Variants in ANO1 observed in about 807,000 individuals in gnomAD.
ANO1 encodes anoctamin-1.
Under a neutral mutation model 124.0 loss-of-function variants are expected in ANO1, and 59 were observed. That is an observed-to-expected ratio of 0.48 (90% CI 0.39 to 0.59). ANO1 has a LOEUF of 0.59. Among genes scored for constraint, ANO1 ranks in the 20% least tolerant of loss-of-function variants. The pLI is 0.00. For synonymous variants in ANO1, 529 were observed against 532.0 expected (o/e 0.99, Z 0.08); for missense variants, 1,059 against 1,328.0 (o/e 0.80, Z 3.15).
intron 1 of ANO1, among the ~76,000 whole-genome samples, chr11:70,085,915 A>G (rs1219355827): frequency 6.6e-6 from 1 of 152,238 alleles, no homozygotes; most frequent in Non-Finnish European, 1.5e-5. Context: ...ATTTAGAGCC[A>G]TGGTGCAGCC....
rs374844452 is a variant in ANO1 at position 69,990,140 on chromosome 11, C to T, written c.58+3974C>T. On this transcript the variant is annotated intron_variant, in intron 1 of 27. Coordinates refer to the ANO1 transcript ENST00000531349. ...CTGTATCCATTAAACAGTCACTTCC[C>T]ATTCCCCACCCCGCCCTGCCTCTCC... Among the ~76,000 whole-genome samples, 1,059 of 152,286 alleles carry T rather than the reference C, an allele frequency of 7.0e-3. 11 individuals are homozygous for T. The highest frequency in any genetic ancestry group is 0.025 in the African/African-American group (1,026 of 41,546).
intron 1 of ANO1, among the ~76,000 whole-genome samples, chr11:70,046,559 C>A (rs1555005671): frequency 6.6e-6 from 1 of 152,130 alleles, no homozygotes; most frequent in Non-Finnish European, 1.5e-5. Flanking sequence ...ATTCATGAGA[C>A]TACCCGGCCA....
At chr11:70,023,019 T>C (rs1019672397) in intron 1 of ANO1, among the ~76,000 whole-genome samples, 1 of 152,168 alleles carries the variant, frequency 6.6e-6, no homozygotes, top group African/African-American at 2.4e-5. Context: ...GCAGGTGGCC[T>C]CTAGAAGCTG....
intron 18 of ANO1, among the ~76,000 whole-genome samples, chr11:70,162,439 G>A (rs559335326): frequency 6.6e-6 from 1 of 152,266 alleles, no homozygotes; most frequent in African/African-American, 2.4e-5. Context: ...ACGTAGGGAG[G>A]AGTCCACAAA....
At chr11:70,067,817 G>A (rs932065699) in intron 1 of ANO1, among the ~76,000 whole-genome samples, 3 of 152,174 alleles carry the variant, frequency 2.0e-5, no homozygotes, top group South Asian at 2.1e-4. Context: ...ACCAGTGACC[G>A]TTTAGGATTC....
intron 8 of ANO1, among the ~76,000 whole-genome samples, chr11:70,121,164 C>T (rs912658883): frequency 6.9e-6 from 1 of 145,086 alleles, no homozygotes; most frequent in Non-Finnish European, 1.6e-5. Flanking sequence ...CTGTCCCTGT[C>T]TCGCTCCCTC....
upstream of ANO1, among the ~76,000 whole-genome samples, chr11:70,076,363 G>T (rs1044606459): frequency 1.3e-5 from 2 of 152,068 alleles, no homozygotes; most frequent in Non-Finnish European, 2.9e-5. Context: ...GCCCTCTCAG[G>T]CCAGAAATGT....
rs114912013 is a variant in ANO1 at position 70,084,834 on chromosome 11, A to G, written c.109-2918A>G. On this transcript the variant is annotated intron_variant, in intron 1 of 25. Transcript: ENST00000355303. ...CTGCACTCTCCCCATGCCCCTCAGC[A>G]CCAGAGACAGAGCCCTGCACTGGGG... is the stretch of plus-strand genomic sequence containing the variant. Among the ~76,000 whole-genome samples the G allele has an allele frequency of 2.4e-3, 364 of 152,228 alleles. 1 individual carries two copies. The highest frequency in any genetic ancestry group is 8.5e-3 in the African/African-American group (355 of 41,528).
intron 11 of ANO1, among the ~76,000 whole-genome samples, chr11:70,145,217 G>A (rs1336838968): frequency 6.6e-6 from 1 of 152,164 alleles, no homozygotes; most frequent in Non-Finnish European, 1.5e-5. Context: ...CTGGCCACCA[G>A]GCGCAGCACG....
At position 70,078,470 on chromosome 11, in the gene ANO1, C is replaced by A; in HGVS notation, c.-137C>A. The A allele has an allele frequency of 4.4e-6, 1 of 226,556 alleles. No individual in the cohort carries two copies. The highest frequency in any genetic ancestry group is 1.6e-4 in the South Asian group (1 of 6,420). 14.0% of individuals were successfully genotyped at this position (226,556 alleles called of 1,614,324 possible). A position where few individuals can be genotyped will look rare whatever the true frequency, so the allele number is the denominator to read the frequency against. On this transcript the variant is annotated 5_prime_UTR_variant, in exon 1 of 26. Coordinates refer to ENST00000355303, the MANE Select transcript of ANO1 (RefSeq NM_018043.7). Reference sequence around the variant, plus strand: ...GGCGGAGCGGGAGGCGGCCACGTCCCCGGCGGGCCTGGGCGCGGGGAGGCC... The same window carrying A: ...GGCGGAGCGGGAGGCGGCCACGTCCACGGCGGGCCTGGGCGCGGGGAGGCC...
chr11:69,972,658 G>C, the ANO1 span, among the ~76,000 whole-genome samples: 1 of 152,046 alleles, frequency 6.6e-6, no homozygotes, highest in Non-Finnish European at 1.5e-5. Flanking sequence ...ATCAACATTT[G>C]CCTGGAGACG....
chr11:70,138,269 C>T (rs2047020632), intron 11 of ANO1, among the ~76,000 whole-genome samples: 2 of 130,582 alleles, frequency 1.5e-5, no homozygotes, highest in African/African-American at 2.5e-5. Context: ...CACTTGAACC[C>T]GGGAGGCAGA....
At chr11:70,090,200 G>C (rs1181985467) in intron 2 of ANO1, among the ~76,000 whole-genome samples, 1 of 152,078 alleles carries the variant, frequency 6.6e-6, no homozygotes, top group Non-Finnish European at 1.5e-5. Context: ...GTAGAGACAG[G>C]GTTTCACTGT....
chr11:70,004,785 C>A (rs1339238255), intron 1 of ANO1, among the ~76,000 whole-genome samples: 1 of 152,158 alleles, frequency 6.6e-6, no homozygotes, highest in Non-Finnish European at 1.5e-5. Flanking sequence ...TACACTAGCG[C>A]ACCTTTGAAC....
At chr11:70,093,055 C>T (rs573090515) in intron 2 of ANO1, among the ~76,000 whole-genome samples, 3 of 151,446 alleles carry the variant, frequency 2.0e-5, no homozygotes, top group African/African-American at 7.3e-5. Context: ...ACCTCTTATT[C>T]ACCTCTACCT....
chr11:70,171,394 G>A (rs2048468966), intron 22 of ANO1, among the ~76,000 whole-genome samples: 1 of 152,076 alleles, frequency 6.6e-6, no homozygotes, highest in Non-Finnish European at 1.5e-5. Context: ...GACCCCCAGA[G>A]CCAGGGCAAG....
chr11:70,153,981 G>A (rs537896644), intron 14 of ANO1, among the ~76,000 whole-genome samples: 46 of 152,104 alleles, frequency 3.0e-4, no homozygotes, highest in Non-Finnish European at 5.1e-4. Flanking sequence ...GCCCAGGCTG[G>A]TCTCGAACTC....
intron 1 of ANO1, among the ~76,000 whole-genome samples, chr11:70,032,995 G>A (rs184512378): frequency 7.9e-5 from 12 of 152,332 alleles, no homozygotes; most frequent in Admixed American, 5.2e-4. Flanking sequence ...GGCACACGGC[G>A]TGCCCGGTTC....
chr11:70,104,254 C>A, intron 4 of ANO1, 104 bp downstream of exon 4: 1 of 1,328,274 alleles, frequency 7.5e-7, no homozygotes. Context: ...CAAAGAAGAG[C>A]GTGTTCTTGT....
Sources: allele counts gnomAD v4.1 joint callset (sites outside exome capture counted in the v4.1 genomes callset), GRCh38; gene constraint gnomAD v4.1.1; transcripts MANE v1.5; gene names NCBI Gene and HGNC (gene_info 2026-07-23, HGNC 2026-07-21).